Variants in INSC observed in about 807,000 individuals in gnomAD.
INSC encodes the protein INSC spindle orientation adaptor protein, also known as protein inscuteable homolog.
In INSC, 67 loss-of-function variants were observed where a neutral mutation model predicts 58.6. The observed-to-expected ratio is 1.14, with a 90% confidence interval of 0.94 to 1.40. The LOEUF (loss-of-function observed/expected upper bound fraction) is 1.40, where lower values mean the gene tolerates loss of function less well. Ranked by LOEUF, INSC falls within the 40% of genes most tolerant of loss-of-function variation. The pLI, the probability that INSC is intolerant of heterozygous loss-of-function variation, is 0.00. For synonymous variants in INSC, 262 were observed against 276.1 expected (o/e 0.95, Z 0.51); for missense variants, 714 against 692.0 (o/e 1.03, Z -0.36).
intron 6 of INSC, among the ~76,000 whole-genome samples, chr11:15,199,418 G>A (rs750271803): frequency 2.0e-5 from 3 of 152,290 alleles, no homozygotes; most frequent in Non-Finnish European, 2.9e-5. Flanking sequence ...TGAAAAGGGC[G>A]CATGAGCCTA....
At chr11:15,119,726 C>A (rs1008696712) in intron 1 of INSC, among the ~76,000 whole-genome samples, 1 of 152,174 alleles carries the variant, frequency 6.6e-6, no homozygotes, top group African/African-American at 2.4e-5. Context: ...GAACAATTGG[C>A]TCAGGCCATC....
intron 10 of INSC, among the ~76,000 whole-genome samples, chr11:15,236,246 G>A (rs1852125192): frequency 6.6e-6 from 1 of 151,860 alleles, no homozygotes. Context: ...TAGCGTGACA[G>A]TGCCCCGGGG....
intron 2 of INSC, among the ~76,000 whole-genome samples, chr11:15,172,727 G>T (rs375714339): frequency 8.5e-5 from 13 of 152,346 alleles, no homozygotes; most frequent in African/African-American, 3.1e-4. Context: ...AAAGAGAGTG[G>T]TATGTTCGGG....
upstream of INSC, chr11:15,112,598 G>A (rs1285531002): frequency 6.7e-6 from 3 of 451,072 alleles, no homozygotes; most frequent in Non-Finnish European, 9.1e-6. Flanking sequence ...GTGAGTGTGT[G>A]TGTGTGTGTG....
rs75875812 is a variant in INSC at position 15,232,645 on chromosome 11, G to A, written c.1171-2957G>A. Among the ~76,000 whole-genome samples, 318 of 152,152 alleles carry A rather than the reference G, an allele frequency of 2.1e-3. 2 individuals carry two copies. The highest frequency in any genetic ancestry group is 1.7e-3 in the Non-Finnish European group (115 of 68,010). Reference sequence around the variant, plus strand: ...CTGTGAATAAGTTACTTTATATAGCGACACGGGTTTTCTAGATGCGATTGA... The same window carrying A: ...CTGTGAATAAGTTACTTTATATAGCAACACGGGTTTTCTAGATGCGATTGA... On this transcript the variant is annotated intron_variant, in intron 9 of 12. Transcript: ENST00000379556.
At chr11:15,152,310 T>C (rs1400762512) in intron 2 of INSC, among the ~76,000 whole-genome samples, 1 of 152,186 alleles carries the variant, frequency 6.6e-6, no homozygotes, top group African/African-American at 2.4e-5. Flanking sequence ...TTGTTGTCCA[T>C]TGGCCAAAAT....
intron 1 of INSC, among the ~76,000 whole-genome samples, chr11:15,124,998 G>A (rs181713348): frequency 2.0e-5 from 3 of 152,280 alleles, no homozygotes. Context: ...AGAGGATTTG[G>A]TTTGGGAAGA....
intron 1 of INSC, among the ~76,000 whole-genome samples, chr11:15,129,776 C>G (rs980022153): frequency 1.3e-5 from 2 of 152,122 alleles, no homozygotes; most frequent in Non-Finnish European, 2.9e-5. Flanking sequence ...TGTAGATACC[C>G]TTGGATTTTC....
chr11:15,251,723 TATGGTGGG>T (rs1018686211), downstream of INSC, among the ~76,000 whole-genome samples: 1 of 151,900 alleles, frequency 6.6e-6, no homozygotes, highest in Non-Finnish European at 1.5e-5. Flanking sequence ...GGTGGGATGG[TATGGTGGG>T]ATGGTGGGAT....
intron 2 of INSC, among the ~76,000 whole-genome samples, chr11:15,156,881 A>T (rs749515533): frequency 1.3e-5 from 2 of 152,222 alleles, no homozygotes; most frequent in Non-Finnish European, 2.9e-5. Context: ...ATTTCTTGGT[A>T]TGAGACTTTG....
At chr11:15,220,403 A>G (rs1851392901) in intron 7 of INSC, among the ~76,000 whole-genome samples, 1 of 152,178 alleles carries the variant, frequency 6.6e-6, no homozygotes, top group African/African-American at 2.4e-5. Flanking sequence ...CTGCAGAGCT[A>G]ACCTTGACAA....
chr11:15,228,956 C>T (rs1233838326), intron 9 of INSC, among the ~76,000 whole-genome samples: 1 of 152,152 alleles, frequency 6.6e-6, no homozygotes, highest in East Asian at 1.9e-4. Flanking sequence ...CATTGAGAAG[C>T]CTGACAAGCA....
intron 1 of INSC, among the ~76,000 whole-genome samples, chr11:15,137,451 T>G (rs1848272517): frequency 6.6e-6 from 1 of 152,228 alleles, no homozygotes; most frequent in African/African-American, 2.4e-5. Context: ...ATAAGGCTGT[T>G]TTGTCTCCAT....
chr11:15,174,299 C>T (rs556636639), intron 2 of INSC, among the ~76,000 whole-genome samples: 35 of 152,148 alleles, frequency 2.3e-4, no homozygotes, highest in Non-Finnish European at 4.6e-4. Flanking sequence ...TCCTCTGATC[C>T]TCTTATTTTA....
At chr11:15,132,251 C>T (rs951600939) in intron 1 of INSC, among the ~76,000 whole-genome samples, 5 of 151,958 alleles carry the variant, frequency 3.3e-5, no homozygotes, top group South Asian at 4.2e-4. Context: ...TTAGATTCAT[C>T]GTTTCTTATC....
chr11:15,244,669 G>A (rs1852491579), intron 12 of INSC, among the ~76,000 whole-genome samples: 2 of 152,162 alleles, frequency 1.3e-5, no homozygotes, highest in South Asian at 4.1e-4. Flanking sequence ...ATTTCCAAAA[G>A]GGAGATCATG....
chr11:15,113,445 C>T (rs1387967048), upstream of INSC, among the ~76,000 whole-genome samples: 1 of 152,124 alleles, frequency 6.6e-6, no homozygotes, highest in Non-Finnish European at 1.5e-5. Context: ...AGGCGTGAGC[C>T]ACCACTCCCG....
At chr11:15,176,108 G>A (rs1251990597) in intron 3 of INSC, 22 bp downstream of exon 3, 4 of 1,483,524 alleles carry the variant, frequency 2.7e-6, no homozygotes, top group Non-Finnish European at 3.6e-6. Context: ...TGGGATAGGA[G>A]TGGGCGGGAA....
At chr11:15,181,042 G>T (rs940267403) in intron 5 of INSC, among the ~76,000 whole-genome samples, 1 of 152,138 alleles carries the variant, frequency 6.6e-6, no homozygotes. Flanking sequence ...TCTTACATTT[G>T]TGCCGTCTTG....
Sources: gnomAD v4.1 joint callset for allele counts (sites outside exome capture counted in the v4.1 genomes callset) on GRCh38, gnomAD v4.1.1 for gene constraint, MANE v1.5 for transcripts, NCBI Gene and HGNC (gene_info 2026-07-23, HGNC 2026-07-21) for gene names.